Variants in TNC observed in about 807,000 individuals in gnomAD.
TNC encodes tenascin.
In TNC, 109 loss-of-function variants were observed where a neutral mutation model predicts 202.4. That is an observed-to-expected ratio of 0.54 (90% CI 0.46 to 0.63). The LOEUF is 0.63. TNC is among the 30% of genes least tolerant of loss of function. The pLI is 0.00. For missense variants in TNC, 2,756 were observed against 2,833.3 expected (o/e 0.97, Z 0.62); for synonymous variants, 1,007 against 1,089.7 (o/e 0.92, Z 1.50).
At chr9:115,038,881 G>A (rs1443989414) in intron 19 of TNC, among the ~76,000 whole-genome samples, 1 of 151,894 alleles carries the variant, frequency 6.6e-6, no homozygotes, top group Non-Finnish European at 1.5e-5. Flanking sequence ...ATGCTGGAGT[G>A]CAGTGGCACG....
At position 115,047,772 on chromosome 9, in the gene TNC, C is replaced by G. The variant is rs147716634; in HGVS notation, c.4852+488G>C. Among the ~76,000 whole-genome samples the G allele has an allele frequency of 3.3e-5, 5 of 152,262 alleles. No homozygotes were observed. The East Asian group carries it at 9.6e-4, about 29-fold the overall frequency. On this transcript the variant is annotated intron_variant, in intron 16 of 27. Transcript: ENST00000350763. ...GGATTTAGTCCGTGTTGCAGAGTCT[C>G]TCTGATATTAGTGATTACCGATAAA...
At chr9:115,035,861 T>A in intron 21 of TNC, 1 of 473,520 alleles carries the variant, frequency 2.1e-6, no homozygotes, top group Non-Finnish European at 3.7e-6. Context: ...AAAGCCCTCC[T>A]CTTAAAATCT....
At position 115,102,110 on chromosome 9, in the gene TNC, A is replaced by T. The variant is rs138690373; in HGVS notation, c.-136-10956T>A. 2.6e-5 allele frequency among the ~76,000 whole-genome samples: 4 copies of T among 152,298 alleles called. No individual in the cohort carries two copies. In the East Asian group the frequency reaches 7.7e-4, roughly 29 times the overall value. On this transcript the variant is annotated intron_variant, in intron 1 of 27. Coordinates refer to ENST00000350763, the MANE Select transcript of TNC (RefSeq NM_002160.4). ...TGCAGCTGAAAAAACTGAGGCATAG[A>T]GTCTTTACATGGCTTGTGCAAGTTC...
chr9:115,098,050 C>T (rs925998598), intron 1 of TNC, among the ~76,000 whole-genome samples: 1 of 152,092 alleles, frequency 6.6e-6, no homozygotes, highest in African/African-American at 2.4e-5. Flanking sequence ...TTTATGGCCC[C>T]AGCCCGCTAC....
intron 1 of TNC, among the ~76,000 whole-genome samples, chr9:115,091,927 C>A (rs1835266802): frequency 6.6e-6 from 1 of 152,174 alleles, no homozygotes; most frequent in Non-Finnish European, 1.5e-5. Flanking sequence ...CTGAGGCTCA[C>A]AGCTCAGAAA....
intron 26 of TNC, among the ~76,000 whole-genome samples, chr9:115,025,128 G>C (rs1829380303): frequency 6.6e-6 from 1 of 152,168 alleles, no homozygotes. Context: ...AAATATTATG[G>C]CTCATTCCTC....
intron 1 of TNC, among the ~76,000 whole-genome samples, chr9:115,111,888 A>G (rs1246388010): frequency 6.6e-6 from 1 of 152,114 alleles, no homozygotes; most frequent in Non-Finnish European, 1.5e-5. Context: ...GAAGCTAATC[A>G]TCCCCCAATT....
chr9:115,041,332 C>T lies in TNC; in HGVS notation c.5249-248G>A, dbSNP rs189412566. ...GGCGGGGGAAAACATGAAGTCACAACGTACTAAAAATGGCAAGTTTCCGTT... is the reference window on the plus strand; with the variant it reads ...GGCGGGGGAAAACATGAAGTCACAATGTACTAAAAATGGCAAGTTTCCGTT... On this transcript the variant is annotated intron_variant, in intron 18 of 27. Transcript: ENST00000350763. Among the ~76,000 whole-genome samples the T allele has an allele frequency of 3.8e-3, 563 of 146,712 alleles. 7 individuals are homozygous for T. Among genetic ancestry groups the T allele is most frequent in the African/African-American group, 0.013 (518 of 39,068 alleles).
rs866394282 is a variant in TNC at position 115,086,654 on chromosome 9, C to T, written c.1077G>A (p.Gly359=). 1.9e-6 allele frequency: 3 copies of T among 1,614,066 alleles called. No homozygotes were observed. The highest frequency in any genetic ancestry group is 2.5e-6 in the Non-Finnish European group (3 of 1,180,064). ...ACHTQGRCEE[G]QCVCDEGFAG... ...CAAAGCCCTCATCACATACACACTG[C>T]CCCTCCTCACACCGGCCCTGGGTGT... Residue 359 remains glycine (G), a synonymous_variant, in exon 3 of 28, where the codon GGG becomes GGA. Transcript: ENST00000350763.
At chr9:115,046,097 C>T (rs568077601) in intron 17 of TNC, among the ~76,000 whole-genome samples, 7 of 152,112 alleles carry the variant, frequency 4.6e-5, no homozygotes, top group South Asian at 2.1e-4. Flanking sequence ...ATAATTGTAA[C>T]GATGATGATG....
intron 27 of TNC, among the ~76,000 whole-genome samples, chr9:115,022,161 A>T (rs943993630): frequency 4.6e-5 from 7 of 152,246 alleles, no homozygotes; most frequent in Non-Finnish European, 7.3e-5. Flanking sequence ...ATGGGAAAAA[A>T]ATAGAGACAC....
At chr9:115,114,665 C>G (rs1177276472) in intron 1 of TNC, among the ~76,000 whole-genome samples, 1 of 152,186 alleles carries the variant, frequency 6.6e-6, no homozygotes, top group Non-Finnish European at 1.5e-5. Context: ...CTGAAAGACA[C>G]CATTTAAGGT....
At chr9:115,031,164 C>A (rs1324630498) in intron 23 of TNC, among the ~76,000 whole-genome samples, 1 of 152,148 alleles carries the variant, frequency 6.6e-6, no homozygotes, top group Admixed American at 6.5e-5. Context: ...ATAAAAGGAC[C>A]ACACAATTAT....
At chr9:115,116,485 T>A (rs765161424) in intron 1 of TNC, among the ~76,000 whole-genome samples, 3 of 152,218 alleles carry the variant, frequency 2.0e-5, no homozygotes, top group Admixed American at 6.5e-5. Flanking sequence ...CAGTCCTGAA[T>A]TGGGCTTGCC....
At chr9:115,055,897 G>GT (rs1353458347) in intron 15 of TNC, 1 of 152,116 alleles carries the variant, frequency 6.6e-6, no homozygotes, top group Non-Finnish European at 1.5e-5. Context: ...TTGAAAATCG[G>GT]TTTGAGCCAT....
intron 1 of TNC, among the ~76,000 whole-genome samples, chr9:115,106,543 G>A (rs562823627): frequency 1.9e-4 from 29 of 152,314 alleles, no homozygotes; most frequent in African/African-American, 7.0e-4. Context: ...GTGAACTTGA[G>A]GGGAGGGCAT....
At chr9:115,060,740 G>A (rs938364366) in intron 13 of TNC, among the ~76,000 whole-genome samples, 3 of 152,188 alleles carry the variant, frequency 2.0e-5, no homozygotes, top group African/African-American at 4.8e-5. Flanking sequence ...GTGTGAACAA[G>A]TATGATGTTT....
intron 13 of TNC, 100 bp from the exon 14 acceptor site, chr9:115,060,102 A>T: frequency 7.6e-7 from 1 of 1,316,160 alleles, no homozygotes; most frequent in Non-Finnish European, 1.0e-6. Flanking sequence ...AAGGGGAAAG[A>T]TAATTTTTTT....
intron 10 of TNC, among the ~76,000 whole-genome samples, chr9:115,067,773 C>T (rs1833065070): frequency 6.6e-6 from 1 of 151,238 alleles, no homozygotes; most frequent in Non-Finnish European, 1.5e-5. Flanking sequence ...TCATGTTGTT[C>T]AGTAAATAGT....
Sources: allele counts gnomAD v4.1 joint callset (sites outside exome capture counted in the v4.1 genomes callset), GRCh38; gene constraint gnomAD v4.1.1; transcripts MANE v1.5; gene names NCBI Gene and HGNC (gene_info 2026-07-23, HGNC 2026-07-21).